Variants in PTPRD observed in about 807,000 individuals in gnomAD.
The protein encoded by PTPRD is protein tyrosine phosphatase receptor type D, also known as receptor-type tyrosine-protein phosphatase delta.
A neutral mutation model predicts 214.5 loss-of-function variants in PTPRD; 34 were observed. The ratio of observed to expected loss-of-function variants is 0.16; its 90% CI spans 0.12 to 0.21. The LOEUF is 0.21. Among genes scored for constraint, PTPRD ranks in the 10% least tolerant of loss-of-function variants. PTPRD has a pLI of 1.00. For synonymous variants in PTPRD, 1,128 were observed against 845.7 expected (o/e 1.33, Z -5.79); for missense variants, 2,545 against 2,398.7 (o/e 1.06, Z -1.27).
At chr9:10,208,909 T>C (rs545458524) in intron 3 of PTPRD, among the ~76,000 whole-genome samples, 89 of 152,300 alleles carry the variant, frequency 5.8e-4, no homozygotes, top group African/African-American at 2.0e-3. Context: ...TACCGGACCA[T>C]TTATTCATTA....
intron 5 of PTPRD, among the ~76,000 whole-genome samples, chr9:9,907,544 TA>T (rs2077955059): frequency 6.6e-6 from 1 of 151,992 alleles, no homozygotes; most frequent in African/African-American, 2.4e-5. Context: ...CTTCTTCTTC[TA>T]AGGATATCAG....
chr9:10,248,462 T>G lies in PTPRD; in HGVS notation c.-545+92501A>C, dbSNP rs1450333539. ...AACAAGAAATGTTACTTTTCCAACA[T>G]GGATCGTGTTAAACATTAGTTCTAC... On this transcript the variant is annotated intron_variant, in intron 3 of 45. Transcript: ENST00000381196. Among the ~76,000 whole-genome samples the G allele has an allele frequency of 4.2e-5, 6 of 143,276 alleles. No homozygotes were observed. In the South Asian group the frequency reaches 8.7e-4, roughly 21 times the overall value. The allele number at this position is 143,276 out of a possible 152,430, so 94.0% of individuals were successfully genotyped here. A position where few individuals can be genotyped will look rare whatever the true frequency, so the allele number is the denominator to read the frequency against.
chr9:8,559,047 T>A (rs1373808317), intron 14 of PTPRD, among the ~76,000 whole-genome samples: 16 of 152,190 alleles, frequency 1.1e-4, no homozygotes, highest in African/African-American at 3.4e-4. Context: ...TAACTGAAGT[T>A]TTACTTGTTT....
At chr9:8,613,022 G>T (rs1179350996) in intron 14 of PTPRD, among the ~76,000 whole-genome samples, 1 of 152,094 alleles carries the variant, frequency 6.6e-6, no homozygotes, top group Non-Finnish European at 1.5e-5. Context: ...GTACTTTCAT[G>T]TGTTTATATT....
chr9:10,278,556 G>A (rs2094870308), intron 3 of PTPRD, among the ~76,000 whole-genome samples: 1 of 152,070 alleles, frequency 6.6e-6, no homozygotes, highest in African/African-American at 2.4e-5. Flanking sequence ...TCATGTGTGT[G>A]CCTATGTGTG....
intron 12 of PTPRD, among the ~76,000 whole-genome samples, chr9:8,700,379 C>G (rs150672376): frequency 2.7e-4 from 41 of 152,306 alleles, no homozygotes; most frequent in Non-Finnish European, 4.7e-4. Flanking sequence ...TGTCAAACAA[C>G]TGCTTTATCA....
At chr9:9,840,630 G>A (rs2058059121) in intron 5 of PTPRD, among the ~76,000 whole-genome samples, 1 of 151,810 alleles carries the variant, frequency 6.6e-6, no homozygotes, top group South Asian at 2.1e-4. Flanking sequence ...GGGCGTGGTG[G>A]CGCGTGCCTG....
intron 26 of PTPRD, among the ~76,000 whole-genome samples, chr9:8,494,236 T>G (rs2097211103): frequency 6.6e-6 from 1 of 152,174 alleles, no homozygotes; most frequent in Non-Finnish European, 1.5e-5. Flanking sequence ...GCTCAATTGT[T>G]GAAGCTGATC....
chr9:10,234,856 T>C (rs141307124), intron 3 of PTPRD, among the ~76,000 whole-genome samples: 6 of 151,932 alleles, frequency 3.9e-5, no homozygotes, highest in African/African-American at 1.4e-4. Context: ...GAGATTAACT[T>C]ACTACTGAAC....
intron 14 of PTPRD, among the ~76,000 whole-genome samples, chr9:8,620,901 T>A (rs1331839173): frequency 6.6e-6 from 1 of 152,000 alleles, no homozygotes; most frequent in East Asian, 1.9e-4. Context: ...TTCAATCATA[T>A]GTAAAGTACA....
intron 8 of PTPRD, among the ~76,000 whole-genome samples, chr9:9,451,947 G>A (rs997659387): frequency 2.6e-5 from 4 of 151,352 alleles, no homozygotes; most frequent in African/African-American, 9.7e-5. Context: ...TAAAAGTTAT[G>A]TCTCTTTGAA....
intron 4 of PTPRD, among the ~76,000 whole-genome samples, chr9:9,944,585 G>A (rs974119144): frequency 1.3e-5 from 2 of 152,042 alleles, no homozygotes; most frequent in African/African-American, 4.8e-5. Flanking sequence ...AAGGAAAAAA[G>A]GGAGTCAGGC....
chr9:8,906,458 A>G (rs1415057248), intron 11 of PTPRD, among the ~76,000 whole-genome samples: 1 of 152,218 alleles, frequency 6.6e-6, no homozygotes, highest in Non-Finnish European at 1.5e-5. Flanking sequence ...TGTAAAACAG[A>G]AATTAATTAT....
chr9:10,139,108 C>G (rs1284830562), intron 3 of PTPRD, among the ~76,000 whole-genome samples: 1 of 152,020 alleles, frequency 6.6e-6, no homozygotes, highest in African/African-American at 2.4e-5. Context: ...AACTATCTTT[C>G]TTCGCTAATG....
intron 3 of PTPRD, among the ~76,000 whole-genome samples, chr9:10,312,800 G>A (rs2096303545): frequency 6.6e-6 from 1 of 151,568 alleles, no homozygotes. Flanking sequence ...CTTGGAAAGA[G>A]AAATTTTGTT....
intron 3 of PTPRD, among the ~76,000 whole-genome samples, chr9:10,258,088 G>C (rs1478815831): frequency 6.6e-6 from 1 of 152,166 alleles, no homozygotes; most frequent in East Asian, 1.9e-4. Context: ...CTTAATTCTA[G>C]CCATCCTTCA....
chr9:9,219,429 AC>A (rs1177920009), intron 9 of PTPRD, among the ~76,000 whole-genome samples: 1 of 149,176 alleles, frequency 6.7e-6, no homozygotes, highest in East Asian at 2.0e-4. Flanking sequence ...AAAAAAAAAA[AC>A]ATTATAGCAA....
At chr9:8,763,374 T>C (rs1223053905) in intron 11 of PTPRD, among the ~76,000 whole-genome samples, 1 of 151,436 alleles carries the variant, frequency 6.6e-6, no homozygotes, top group African/African-American at 2.4e-5. Flanking sequence ...ATTAGCTGGG[T>C]ATGGTGGCTC....
rs577386340 is a variant in PTPRD at position 9,839,915 on chromosome 9, AACAC to A, written c.-367-73068_-367-73065del. Reference sequence around the variant, plus strand: ...AAACATATATTGATATGCATTTTTAAACACACACACACACAAGTTGAAAATTTGT... The same window carrying A: ...AAACATATATTGATATGCATTTTTAAACACACACACAAGTTGAAAATTTGT... On this transcript the variant is annotated intron_variant, in intron 5 of 45. Transcript: ENST00000381196. Among the ~76,000 whole-genome samples the A allele has an allele frequency of 2.8e-4, 43 of 151,936 alleles. No homozygotes were observed. The East Asian group carries it at 3.7e-3, about 13-fold the overall frequency.
Sources: allele counts gnomAD v4.1 joint callset (sites outside exome capture counted in the v4.1 genomes callset), GRCh38; gene constraint gnomAD v4.1.1; transcripts MANE v1.5; gene names NCBI Gene and HGNC (gene_info 2026-07-23, HGNC 2026-07-21).